CPQ: variants seen among roughly 807,000 people sequenced by gnomAD.
CPQ encodes the protein carboxypeptidase Q.
In CPQ, 37 loss-of-function variants were observed where a neutral mutation model predicts 45.7. That is an observed-to-expected ratio of 0.81 (90% CI 0.62 to 1.07). The LOEUF (loss-of-function observed/expected upper bound fraction) is 1.07, where lower values mean the gene tolerates loss of function less well. Ranked by LOEUF, CPQ falls within the 50% of genes least tolerant of loss-of-function variation. The pLI, the probability that CPQ is intolerant of heterozygous loss-of-function variation, is 0.00. For synonymous variants in CPQ, 186 were observed against 205.8 expected (o/e 0.90, Z 0.82); for missense variants, 537 against 572.9 (o/e 0.94, Z 0.64).
At chr8:96,943,017 A>G (rs1813144213) in intron 4 of CPQ, among the ~76,000 whole-genome samples, 1 of 152,160 alleles carries the variant, frequency 6.6e-6, no homozygotes. Flanking sequence ...TTCTAGATAT[A>G]TTACTTACTA....
At chr8:96,719,305 C>T (rs576451307) in intron 1 of CPQ, among the ~76,000 whole-genome samples, 1 of 152,356 alleles carries the variant, frequency 6.6e-6, no homozygotes, top group Admixed American at 6.5e-5. Flanking sequence ...GGACCAAGTA[C>T]ACCCTCCGCA....
At chr8:97,122,483 T>C (rs973571894) in intron 7 of CPQ, among the ~76,000 whole-genome samples, 2 of 152,074 alleles carry the variant, frequency 1.3e-5, no homozygotes, top group African/African-American at 4.8e-5. Flanking sequence ...ACAAACAAAA[T>C]TTGATGAGCA....
chr8:97,056,627 T>C (rs1288193343), intron 6 of CPQ: 1 of 152,224 alleles, frequency 6.6e-6, no homozygotes, highest in Non-Finnish European at 1.5e-5. Context: ...GGACAACCAA[T>C]GTTTGAGAGT....
At chr8:96,887,566 C>G (rs578041307) in intron 4 of CPQ, among the ~76,000 whole-genome samples, 1 of 148,266 alleles carries the variant, frequency 6.7e-6, no homozygotes, top group East Asian at 2.0e-4. Context: ...ATTGACCTGA[C>G]CAGAGGACAA....
intron 4 of CPQ, among the ~76,000 whole-genome samples, chr8:96,936,760 G>A (rs1563533319): frequency 6.6e-6 from 1 of 152,124 alleles, no homozygotes; most frequent in South Asian, 2.1e-4. Flanking sequence ...AGGGAGTATG[G>A]TCTGTTTTCT....
chr8:96,741,933 GA>G (rs1184440302), intron 1 of CPQ, among the ~76,000 whole-genome samples: 3 of 143,596 alleles, frequency 2.1e-5, no homozygotes, highest in African/African-American at 7.8e-5. Context: ...GTGTGGTGCT[GA>G]AAAAAATGTA....
chr8:96,784,405 G>GA (rs988822109), intron 1 of CPQ, among the ~76,000 whole-genome samples: 5 of 151,630 alleles, frequency 3.3e-5, no homozygotes, highest in African/African-American at 9.7e-5. Flanking sequence ...GAGGTGGGGG[G>GA]GGGGTTGGTA....
chr8:97,036,999 C>T (rs963255474), intron 6 of CPQ, among the ~76,000 whole-genome samples: 15 of 152,084 alleles, frequency 9.9e-5, no homozygotes, highest in South Asian at 2.1e-4. Context: ...TCCAAATACA[C>T]GAATTTATCT....
intron 1 of CPQ, among the ~76,000 whole-genome samples, chr8:96,685,954 TC>T (rs1337554815): frequency 1.3e-5 from 2 of 152,148 alleles, no homozygotes; most frequent in Non-Finnish European, 2.9e-5. Context: ...TTCTAGTTAC[TC>T]TATAATTTTG....
chr8:96,964,184 A>T (rs1250605439), intron 4 of CPQ, among the ~76,000 whole-genome samples: 1 of 127,006 alleles, frequency 7.9e-6, no homozygotes, highest in Non-Finnish European at 1.9e-5. Context: ...ACACACACAC[A>T]CACACACACA....
chr8:96,805,826 G>A (rs1038454256), intron 2 of CPQ, among the ~76,000 whole-genome samples: 4 of 151,916 alleles, frequency 2.6e-5, no homozygotes, highest in South Asian at 2.1e-4. Context: ...TTTGGTTGTC[G>A]TGGGGTTTAT....
chr8:96,962,263 C>G (rs987201904), intron 4 of CPQ, among the ~76,000 whole-genome samples: 1 of 152,200 alleles, frequency 6.6e-6, no homozygotes, highest in African/African-American at 2.4e-5. Flanking sequence ...TGTTTTGTTA[C>G]AGCTGCTACT....
At chr8:97,082,403 G>A (rs186086792) in intron 7 of CPQ, among the ~76,000 whole-genome samples, 2 of 152,314 alleles carry the variant, frequency 1.3e-5, no homozygotes, top group East Asian at 1.9e-4. Context: ...GTCAAGAGCT[G>A]TAGTCATTAA....
chr8:96,960,555 ACACAT>A (rs1813441911), intron 4 of CPQ, among the ~76,000 whole-genome samples: 1 of 152,204 alleles, frequency 6.6e-6, no homozygotes, highest in Non-Finnish European at 1.5e-5. Flanking sequence ...TGGAAGGATT[ACACAT>A]GTTCTCACCA....
At chr8:96,963,537 C>G (rs1246657055) in intron 4 of CPQ, among the ~76,000 whole-genome samples, 1 of 152,122 alleles carries the variant, frequency 6.6e-6, no homozygotes, top group African/African-American at 2.4e-5. Flanking sequence ...TGCAAAGGGT[C>G]ACCCTAATAT....
At chr8:96,950,285 T>C (rs1049363694) in intron 4 of CPQ, among the ~76,000 whole-genome samples, 4 of 152,142 alleles carry the variant, frequency 2.6e-5, no homozygotes, top group Admixed American at 2.6e-4. Flanking sequence ...TAATTATGCA[T>C]TGATCACAAA....
intron 3 of CPQ, among the ~76,000 whole-genome samples, chr8:96,855,401 G>T (rs1811832779): frequency 6.6e-6 from 1 of 152,104 alleles, no homozygotes; most frequent in Non-Finnish European, 1.5e-5. Flanking sequence ...GAACCCAGGG[G>T]TCCAGCACAA....
intron 2 of CPQ, among the ~76,000 whole-genome samples, chr8:96,802,270 C>T: frequency 6.6e-6 from 1 of 152,010 alleles, no homozygotes; most frequent in Non-Finnish European, 1.5e-5. Context: ...GAGCTTCTAT[C>T]TTTTTTTTGA....
At chr8:96,676,038 A>G (rs1809072859) in intron 1 of CPQ, among the ~76,000 whole-genome samples, 1 of 152,032 alleles carries the variant, frequency 6.6e-6, no homozygotes, top group African/African-American at 2.4e-5. Flanking sequence ...AGTATGTGTG[A>G]TATTTTGATA....
Sources: allele counts gnomAD v4.1 joint callset (sites outside exome capture counted in the v4.1 genomes callset), GRCh38; gene constraint gnomAD v4.1.1; transcripts MANE v1.5; gene names NCBI Gene and HGNC (gene_info 2026-07-23, HGNC 2026-07-21).